The following ADCY5 variants were observed in gnomAD, a reference collection of about 807,000 sequenced individuals.
ADCY5 encodes adenylate cyclase 5.
A neutral mutation model predicts 119.7 loss-of-function variants in ADCY5; 30 were observed. That is an observed-to-expected ratio of 0.25 (90% CI 0.19 to 0.34). The LOEUF is 0.34. Ranked by LOEUF, ADCY5 falls within the 10% of genes least tolerant of loss-of-function variation. The probability of loss-of-function intolerance (pLI) is 1.00; values close to 1 mark genes in which losing one functional copy is unlikely to be tolerated. For missense variants in ADCY5, 1,324 were observed against 1,775.2 expected (o/e 0.75, Z 4.57); for synonymous variants, 753 against 762.2 (o/e 0.99, Z 0.20).
At chr3:123,400,755 A>G (rs919956891) in intron 1 of ADCY5, among the ~76,000 whole-genome samples, 27 of 151,812 alleles carry the variant, frequency 1.8e-4, no homozygotes, top group African/African-American at 6.0e-4. Context: ...GACCAGCCTG[A>G]CCAATATGGT....
At chr3:123,294,790 G>T (rs4678003) in intron 17 of ADCY5, among the ~76,000 whole-genome samples, 25,702 of 152,154 alleles carry the variant, frequency 0.17, 3,050 homozygotes, top group East Asian at 0.68. Context: ...GATGACGCAG[G>T]GAGTGACCTT....
At chr3:123,398,556 C>T (rs931731628) in intron 1 of ADCY5, among the ~76,000 whole-genome samples, 5 of 152,162 alleles carry the variant, frequency 3.3e-5, no homozygotes, top group Admixed American at 3.3e-4. Flanking sequence ...CCATTTTCAT[C>T]CAATCACTCT....
rs545951848 is a variant in ADCY5, at chr3:123,424,781, C to T, written c.1134+22631G>A. ...GTGTGTGTGTGCGCGCATGCACGCACGCGCGCATGTCAGCATGCCCATGTG... is the reference window on the plus strand; with the variant it reads ...GTGTGTGTGTGCGCGCATGCACGCATGCGCGCATGTCAGCATGCCCATGTG... On this transcript the variant is annotated intron_variant, in intron 1 of 20. Coordinates refer to ENST00000462833, the MANE Select transcript of ADCY5 (RefSeq NM_183357.3). Among the ~76,000 whole-genome samples the T allele has an allele frequency of 2.8e-3, 427 of 152,282 alleles. 3 individuals carry two copies. Among genetic ancestry groups the T allele is most frequent in the African/African-American group, 0.01 (421 of 41,560 alleles).
chr3:123,303,626 C>G (rs1222571797), intron 13 of ADCY5, among the ~76,000 whole-genome samples: 1 of 152,082 alleles, frequency 6.6e-6, no homozygotes, highest in Non-Finnish European at 1.5e-5. Context: ...AGCCTGGCGA[C>G]CAGCCTGGCA....
At chr3:123,386,193 G>T (rs1203382638) in intron 1 of ADCY5, among the ~76,000 whole-genome samples, 1 of 152,236 alleles carries the variant, frequency 6.6e-6, no homozygotes. Flanking sequence ...CACAGGGCCA[G>T]CTGCCAAGCT....
intron 12 of ADCY5, 109 bp downstream of exon 12, chr3:123,314,126 C>G: frequency 1.2e-6 from 1 of 828,372 alleles, no homozygotes. Context: ...CCCACCCCTG[C>G]CAAGCACAAT....
chr3:123,368,667 G>T (rs1048999398), intron 1 of ADCY5, among the ~76,000 whole-genome samples: 1 of 151,612 alleles, frequency 6.6e-6, no homozygotes, highest in Non-Finnish European at 1.5e-5. Context: ...TGGGAGGATT[G>T]CTTGAACCCA....
intron 17 of ADCY5, among the ~76,000 whole-genome samples, chr3:123,295,401 C>T (rs1475888984): frequency 6.6e-6 from 1 of 152,210 alleles, no homozygotes; most frequent in East Asian, 1.9e-4. Flanking sequence ...CTGCTGAGTG[C>T]TCTTGGGCAC....
At chr3:123,392,047 G>A (rs1944414345) in intron 1 of ADCY5, among the ~76,000 whole-genome samples, 1 of 152,186 alleles carries the variant, frequency 6.6e-6, no homozygotes. Context: ...TGCCTGCTCT[G>A]GACGAGCGCC....
intron 1 of ADCY5, among the ~76,000 whole-genome samples, chr3:123,393,325 G>A (rs1033172857): frequency 7.3e-5 from 11 of 150,644 alleles, no homozygotes. Flanking sequence ...GCAGAAGTGG[G>A]AGGATTACAC....
At chr3:123,312,871 TGAA>T (rs1002091090) in intron 12 of ADCY5, among the ~76,000 whole-genome samples, 4 of 152,166 alleles carry the variant, frequency 2.6e-5, no homozygotes, top group Admixed American at 2.0e-4. Context: ...AGCCACGGGA[TGAA>T]GAAGTGGAAC....
At chr3:123,422,170 A>G (rs1386763016) in intron 1 of ADCY5, among the ~76,000 whole-genome samples, 3 of 152,142 alleles carry the variant, frequency 2.0e-5, no homozygotes, top group Non-Finnish European at 4.4e-5. Context: ...TCAGCTCCTA[A>G]TGCTGCCAGG....
At position 123,425,629 on chromosome 3, in the gene ADCY5, G is replaced by T. The variant is rs140536602; in HGVS notation, c.1134+21783C>A. Among the ~76,000 whole-genome samples the T allele has an allele frequency of 5.2e-4, 79 of 152,330 alleles. 1 individual carries two copies. In the East Asian group the frequency reaches 0.011, roughly 21 times the overall value. On this transcript the variant is annotated intron_variant, in intron 1 of 20. Transcript: ENST00000462833. ...CTCTAGAGCAGTCCCCAGAAGGGAT[G>T]CTGGTCACAGGGCTGACCTCGCCAC...
At chr3:123,289,002 A>G (rs1404533510) in intron 19 of ADCY5, among the ~76,000 whole-genome samples, 1 of 152,208 alleles carries the variant, frequency 6.6e-6, no homozygotes, top group Non-Finnish European at 1.5e-5. Context: ...GATTTTGCTC[A>G]CCACCTCAAC....
intron 7 of ADCY5, among the ~76,000 whole-genome samples, chr3:123,325,865 G>A (rs1941461721): frequency 6.6e-6 from 1 of 152,244 alleles, no homozygotes. Context: ...TGCCCGCACT[G>A]TGCTTCCTCC....
chr3:123,436,683 G>A (rs1042475995), intron 1 of ADCY5, among the ~76,000 whole-genome samples: 1 of 152,118 alleles, frequency 6.6e-6, no homozygotes, highest in Non-Finnish European at 1.5e-5. Context: ...TCCAGCCTGG[G>A]TGACAAAGCA....
At chr3:123,410,989 G>A (rs554521808) in intron 1 of ADCY5, among the ~76,000 whole-genome samples, 28 of 152,220 alleles carry the variant, frequency 1.8e-4, no homozygotes, top group African/African-American at 6.7e-4. Flanking sequence ...ACTGGATACG[G>A]CCTAAATTCC....
chr3:123,343,843 AC>A (rs1483633483), intron 3 of ADCY5, among the ~76,000 whole-genome samples: 1 of 151,888 alleles, frequency 6.6e-6, no homozygotes, highest in Admixed American at 6.6e-5. Context: ...GCTCCAGCTG[AC>A]CCCCCGCCCC....
intron 16 of ADCY5, 120 bp from the exon 17 acceptor site, chr3:123,296,336 C>T (rs1263094200): frequency 7.7e-6 from 9 of 1,171,498 alleles, no homozygotes; most frequent in Admixed American, 5.0e-5. Flanking sequence ...TTCCCCTCTT[C>T]CTTATCCCCC....
Sources: gnomAD v4.1 joint callset for allele counts (sites outside exome capture counted in the v4.1 genomes callset) on GRCh38, gnomAD v4.1.1 for gene constraint, MANE v1.5 for transcripts, NCBI Gene and HGNC (gene_info 2026-07-23, HGNC 2026-07-21) for gene names.